Variants in EXOC5 observed in about 807,000 individuals in gnomAD.
EXOC5 encodes the protein exocyst complex component 5.
Under a neutral mutation model 90.8 loss-of-function variants are expected in EXOC5, and 17 were observed. That is an observed-to-expected ratio of 0.19 (90% CI 0.13 to 0.28). EXOC5 has a LOEUF of 0.28. Among genes scored for constraint, EXOC5 ranks in the 10% least tolerant of loss-of-function variants. The pLI is 1.00. For missense variants in EXOC5, 569 were observed against 830.6 expected (o/e 0.69, Z 3.87); for synonymous variants, 260 against 270.0 (o/e 0.96, Z 0.36).
intron 1 of EXOC5, among the ~76,000 whole-genome samples, chr14:57,248,241 C>T (rs942628000): frequency 6.6e-6 from 1 of 151,438 alleles, no homozygotes; most frequent in South Asian, 2.1e-4. Flanking sequence ...TACAAATGCT[C>T]GTATACCCTA....
In EXOC5 at chr14:57,236,287, C is replaced by CTT. The variant is rs746905430; in HGVS notation, c.560-469_560-468dup. Among the ~76,000 whole-genome samples, 440 of 130,432 alleles carry CTT rather than the reference C, an allele frequency of 3.4e-3. 2 individuals carry two copies. Among genetic ancestry groups the CTT allele is most frequent in the African/African-American group, 0.011 (399 of 34,722 alleles). The allele number at this position is 130,432 out of a possible 152,430, so 85.6% of individuals were successfully genotyped here. On this transcript the variant is annotated intron_variant, in intron 6 of 17. Transcript: ENST00000621441. Reference sequence around the variant, plus strand: ...GCAGTATTTATATTTTTTTCATTTTCTTTTTTTTTTTTTTTTCGAGACAGA... The same window carrying CTT: ...GCAGTATTTATATTTTTTTCATTTTCTTTTTTTTTTTTTTTTTTCGAGACAGA...
rs560646501 is a variant in EXOC5, at chr14:57,216,240, T to C, written c.1613+1742A>G. ...ATACTACTCAAAGCAATTCAATGCATTCCCAATCAAAATTCCAAAGGCATT... is the reference window on the plus strand; with the variant it reads ...ATACTACTCAAAGCAATTCAATGCACTCCCAATCAAAATTCCAAAGGCATT... On this transcript the variant is annotated intron_variant, in intron 15 of 17. Coordinates refer to ENST00000621441, the MANE Select transcript of EXOC5 (RefSeq NM_006544.4). Among the ~76,000 whole-genome samples the C allele has an allele frequency of 3.3e-5, 5 of 151,000 alleles. 1 individual carries two copies. In the South Asian group the frequency reaches 1.0e-3, roughly 32 times the overall value.
intron 15 of EXOC5, among the ~76,000 whole-genome samples, chr14:57,215,892 T>C (rs888233344): frequency 6.6e-6 from 1 of 152,154 alleles, no homozygotes; most frequent in Non-Finnish European, 1.5e-5. Flanking sequence ...TAAAACTGTC[T>C]CTTTGCAGAT....
chr14:57,267,005 A>G (rs1430993728), intron 1 of EXOC5, among the ~76,000 whole-genome samples: 7 of 152,208 alleles, frequency 4.6e-5, no homozygotes, highest in Non-Finnish European at 7.3e-5. Flanking sequence ...GACAACATAT[A>G]TAACAGTTTT....
chr14:57,237,758 C>G (rs533360954), intron 5 of EXOC5: 4 of 156,056 alleles, frequency 2.6e-5, no homozygotes, highest in African/African-American at 9.6e-5. Context: ...TTTAAATACA[C>G]TTGATTATTT....
chr14:57,223,122 A>G (rs939006640), intron 12 of EXOC5, among the ~76,000 whole-genome samples: 2 of 150,226 alleles, frequency 1.3e-5, no homozygotes, highest in Non-Finnish European at 2.9e-5. Context: ...TTGAGGTAAG[A>G]ATAAATACGA....
At chr14:57,225,157 A>G (rs1454981506) in intron 12 of EXOC5, among the ~76,000 whole-genome samples, 1 of 152,216 alleles carries the variant, frequency 6.6e-6, no homozygotes, top group African/African-American at 2.4e-5. Flanking sequence ...AATATGACAA[A>G]AGGTCAAAGG....
chr14:57,262,761 T>G (rs369220346), intron 1 of EXOC5, among the ~76,000 whole-genome samples: 4 of 104,438 alleles, frequency 3.8e-5, no homozygotes, highest in African/African-American at 2.2e-4. Context: ...ATATATATAC[T>G]TAATGAATAT....
chr14:57,218,798 T>C (rs948935282), intron 14 of EXOC5, among the ~76,000 whole-genome samples: 1 of 152,090 alleles, frequency 6.6e-6, no homozygotes, highest in Non-Finnish European at 1.5e-5. Context: ...AAACAGATAA[T>C]TCTGTAAAGC....
intron 1 of EXOC5, among the ~76,000 whole-genome samples, chr14:57,248,501 C>CA (rs1209477040): frequency 1.4e-4 from 21 of 151,662 alleles, no homozygotes; most frequent in African/African-American, 5.1e-4. Context: ...AAGCAGGATA[C>CA]AAAATCTTTT....
At chr14:57,263,795 T>C (rs2139673658) in intron 1 of EXOC5, among the ~76,000 whole-genome samples, 1 of 144,744 alleles carries the variant, frequency 6.9e-6, no homozygotes, top group East Asian at 2.1e-4. Context: ...CTCGAACTCC[T>C]ATGGTCTCAA....
At chr14:57,221,199 G>C (rs1883128405) in intron 13 of EXOC5, among the ~76,000 whole-genome samples, 1 of 152,154 alleles carries the variant, frequency 6.6e-6, no homozygotes, top group Non-Finnish European at 1.5e-5. Flanking sequence ...GAAAAGCTGA[G>C]GCAAAAGGAT....
chr14:57,235,546 T>C (rs901109735), intron 7 of EXOC5, among the ~76,000 whole-genome samples, 165 bp downstream of exon 7: 5 of 152,054 alleles, frequency 3.3e-5, no homozygotes, highest in African/African-American at 9.7e-5. Context: ...TATATAACAT[T>C]CAATACCATT....
chr14:57,256,113 G>A (rs1381000159), intron 1 of EXOC5, among the ~76,000 whole-genome samples: 3 of 152,090 alleles, frequency 2.0e-5, no homozygotes, highest in Non-Finnish European at 4.4e-5. Flanking sequence ...TACAAGTACT[G>A]CCTGGTCATA....
rs1882676280 is a variant in EXOC5 at position 57,206,963 on chromosome 14, G to A, written c.*1646C>T. On this transcript the variant is annotated 3_prime_UTR_variant, in exon 18 of 18. Coordinates refer to ENST00000621441, the MANE Select transcript of EXOC5 (RefSeq NM_006544.4). The stretch of plus-strand genomic sequence containing the variant: ...AGAGGTAAAATTTGAATTCACATCA[G>A]AGCTTTCTAAAATGGCAATAGTACA... 6.6e-6 allele frequency: 1 copy of A among 152,320 alleles called. No individual in the cohort carries two copies. Among genetic ancestry groups the A allele is most frequent in the Non-Finnish European group, 1.5e-5 (1 of 67,906 alleles). The allele number at this position is 152,320 out of a possible 1,614,324, so 9.4% of individuals were successfully genotyped here.
chr14:57,244,086 G>A (rs1566501220), intron 4 of EXOC5, 79 bp downstream of exon 4: 7 of 934,940 alleles, frequency 7.5e-6, no homozygotes, highest in Non-Finnish European at 9.9e-6. Context: ...GTCTAACTCT[G>A]GAAAGCAATT....
rs566223693 is a variant in EXOC5 at position 57,268,826 on chromosome 14, C to T, written c.-178G>A. 8.0e-5 allele frequency: 110 copies of T among 1,368,314 alleles called. No homozygotes were observed. The South Asian group carries it at 1.6e-3, about 19-fold the overall frequency. 84.8% of individuals were successfully genotyped at this position (1,368,314 alleles called of 1,614,324 possible). ...GCGGGAGAGCGGCCATGAAGCGAAG[C>T]CGCAAACGCTTGTCAGCTGCCTCCC... is the stretch of plus-strand genomic sequence containing the variant. On this transcript the variant is annotated 5_prime_UTR_variant, in exon 1 of 18. Coordinates refer to ENST00000621441, the MANE Select transcript of EXOC5 (RefSeq NM_006544.4).
chr14:57,243,083 T>C (rs1883920541), intron 4 of EXOC5, among the ~76,000 whole-genome samples: 1 of 152,052 alleles, frequency 6.6e-6, no homozygotes, highest in Non-Finnish European at 1.5e-5. Context: ...ATAATGGACT[T>C]TGGGGGCTCT....
chr14:57,212,775 T>C (rs1034045367), intron 15 of EXOC5, among the ~76,000 whole-genome samples: 7 of 152,192 alleles, frequency 4.6e-5, no homozygotes, highest in African/African-American at 7.2e-5. Flanking sequence ...AAACGGCCCA[T>C]TGAACAGCCA....
Sources: allele counts gnomAD v4.1 joint callset (sites outside exome capture counted in the v4.1 genomes callset), GRCh38; gene constraint gnomAD v4.1.1; transcripts MANE v1.5; gene names NCBI Gene and HGNC (gene_info 2026-07-23, HGNC 2026-07-21).